IL17RB: variants seen among roughly 807,000 people sequenced by gnomAD.
The protein encoded by IL17RB is interleukin-17 receptor B.
A neutral mutation model predicts 43.9 loss-of-function variants in IL17RB; 36 were observed. That is an observed-to-expected ratio of 0.82 (90% CI 0.63 to 1.08). IL17RB has a LOEUF of 1.08. Among genes scored for constraint, IL17RB ranks in the 50% least tolerant of loss-of-function variants. The pLI, the probability that IL17RB is intolerant of heterozygous loss-of-function variation, is 0.00. For missense variants in IL17RB, 613 were observed against 613.6 expected (o/e 1.00, Z 0.01); for synonymous variants, 225 against 225.4 (o/e 1.00, Z 0.02).
intron 2 of IL17RB, 60 bp downstream of exon 2, chr3:53,848,748 A>G: frequency 1.3e-6 from 2 of 1,569,156 alleles, no homozygotes; most frequent in East Asian, 2.2e-5. Flanking sequence ...TTGGACTTTT[A>G]GGAAGCCTAA....
In IL17RB at chr3:53,864,581, T is replaced by C. The variant is rs578097037; in HGVS notation, c.947-165T>C. Among the ~76,000 whole-genome samples, 3 of 152,242 alleles carry C rather than the reference T, an allele frequency of 2.0e-5. No homozygotes were observed. The South Asian group carries it at 6.2e-4, about 32-fold the overall frequency. ...TTAAGCATCAGTGTGTTTCAGGTGA[T>C]GTGTTCAAAAGGAACATCAGGATGT... On this transcript the variant is annotated intron_variant, in intron 10 of 10. Transcript: ENST00000288167.
In IL17RB at chr3:53,846,757, G is replaced by A. The variant is rs2232331; in HGVS notation, c.60+109G>A. On this transcript the variant is annotated intron_variant, in intron 1 of 10. Coordinates refer to ENST00000288167, the MANE Select transcript of IL17RB (RefSeq NM_018725.4). Reference sequence around the variant, plus strand: ...GCCCCGAAGGCGTGCGCGGACTGCCGGCTCAAGGGGCATGCCTGCACCCTC... The same window carrying A: ...GCCCCGAAGGCGTGCGCGGACTGCCAGCTCAAGGGGCATGCCTGCACCCTC... The A allele has an allele frequency of 1.5e-3, 1,718 of 1,172,986 alleles. 30 individuals are homozygous for A. In the African/African-American group the frequency reaches 0.024, roughly 16 times the overall value. The allele number at this position is 1,172,986 out of a possible 1,614,324, so 72.7% of individuals were successfully genotyped here.
intron 3 of IL17RB, 27 bp from the exon 4 acceptor site, chr3:53,851,971 AC>A: frequency 6.2e-7 from 1 of 1,613,616 alleles, no homozygotes; most frequent in South Asian, 1.1e-5. Context: ...TGCTAAATAA[AC>A]CAATGTCCTC....
In IL17RB at chr3:53,852,230, C is replaced by A. The variant is rs1032026161; in HGVS notation, c.354+104C>A. 31 of 1,044,466 alleles carry A rather than the reference C, an allele frequency of 3.0e-5. 1 individual carries two copies. The Admixed American group carries it at 4.5e-4, about 15-fold the overall frequency. The allele number at this position is 1,044,466 out of a possible 1,614,324, so 64.7% of individuals were successfully genotyped here. A position where few individuals can be genotyped will look rare whatever the true frequency, so the allele number is the denominator to read the frequency against. ...GATCATGGCTCACTGCGACCTCAAT[C>A]TTCTGGGCTCAAGCGATCGTTCTAC... On this transcript the variant is annotated intron_variant, in intron 4 of 10. Coordinates refer to ENST00000288167, the MANE Select transcript of IL17RB (RefSeq NM_018725.4).
At chr3:53,856,610 A>G (rs1028805107) in intron 6 of IL17RB, among the ~76,000 whole-genome samples, 4 of 152,230 alleles carry the variant, frequency 2.6e-5, no homozygotes, top group Non-Finnish European at 5.9e-5. Flanking sequence ...CACCATACTC[A>G]GCCCAGGGAA....
chr3:53,865,038 C>G lies in IL17RB; in HGVS notation c.1239C>G (p.Gly413=). The part of the protein sequence containing the change: ...VCDGTCGKSE[G]SPSENSQDLF... ...ATGGTACCTGTGGCAAGAGCGAGGG[C>G]AGTCCCAGTGAGAACTCTCAAGACC... Residue 413 remains glycine, a synonymous_variant, in exon 11 of 11, where the codon GGC becomes GGG. Coordinates refer to ENST00000288167, the MANE Select transcript of IL17RB (RefSeq NM_018725.4). The G allele has an allele frequency of 6.2e-7, 1 of 1,614,210 alleles. No individual in the cohort carries two copies. The highest frequency in any genetic ancestry group is 1.3e-5 in the African/African-American group (1 of 75,056).
chr3:53,860,066 T>C, intron 9 of IL17RB, 64 bp from the exon 10 acceptor site: 1 of 1,121,570 alleles, frequency 8.9e-7, no homozygotes. Flanking sequence ...CAAGTCTTAG[T>C]TTTTAAATTA....
At position 53,852,108 on chromosome 3, in the gene IL17RB, C is replaced by T. The variant is rs762085126; in HGVS notation, c.336C>T (p.Thr112=). Residue 112 remains threonine, a synonymous_variant, in exon 4 of 11, where the codon ACC becomes ACT. Transcript: ENST00000288167. ...ACACAGAGGCCTTCCAGACTCAGACCAGACCCTCTGGTGGTAAAGTAAGCA... is the reference window on the plus strand; with the variant it reads ...ACACAGAGGCCTTCCAGACTCAGACTAGACCCTCTGGTGGTAAAGTAAGCA... ...CNYTEAFQTQ[T]RPSGGKWTFS... 4.2e-5 allele frequency: 67 copies of T among 1,613,968 alleles called. No homozygotes were observed. In the East Asian group the frequency reaches 1.3e-3, roughly 32 times the overall value.
intron 5 of IL17RB, 47 bp downstream of exon 5, chr3:53,853,044 TG>T: frequency 6.2e-7 from 1 of 1,610,548 alleles, no homozygotes; most frequent in East Asian, 2.2e-5. Flanking sequence ...CTGGGATGCC[TG>T]CTTTGCGATA....
At chr3:53,850,211 T>C (rs549781605) in intron 3 of IL17RB, among the ~76,000 whole-genome samples, 24 of 152,350 alleles carry the variant, frequency 1.6e-4, no homozygotes, top group Non-Finnish European at 3.5e-4. Flanking sequence ...GAAGTCAGGA[T>C]AGTAGCCAGG....
At chr3:53,862,645 T>A (rs182373980) in intron 10 of IL17RB, among the ~76,000 whole-genome samples, 3 of 152,304 alleles carry the variant, frequency 2.0e-5, no homozygotes, top group African/African-American at 7.2e-5. Context: ...AGACGAGTGC[T>A]TCCCCATCAG....
In IL17RB at chr3:53,865,257, G is replaced by C; in HGVS notation, c.1458G>C (p.Val486=). ...CAELLHVKQQ[V]SAGKRSQACH... is the part of the protein sequence containing the mutation. ...AACTTCTCCATGTCAAGCAGCAGGT[G>C]TCAGCAGGAAAAAGATCACAAGCCT... is the stretch of plus-strand genomic sequence containing the variant. Residue 486 remains valine (V), a synonymous_variant, in exon 11 of 11, where the codon GTG becomes GTC. Transcript: ENST00000288167. 1.2e-6 allele frequency: 2 copies of C among 1,611,758 alleles called. No individual in the cohort carries two copies. Among genetic ancestry groups the C allele is most frequent in the Non-Finnish European group, 1.7e-6 (2 of 1,180,010 alleles).
In IL17RB at chr3:53,855,303, A is replaced by G. The variant is rs746036787; in HGVS notation, c.491A>G (p.Asp164Gly). 28 of 1,607,840 alleles carry G rather than the reference A, an allele frequency of 1.7e-5. No individual in the cohort carries two copies. Among genetic ancestry groups the G allele is most frequent in the Non-Finnish European group, 1.2e-5 (14 of 1,175,440 alleles). Residue 164 changes from aspartate to glycine, a missense_variant, in exon 6 of 11, where the codon GAC becomes GGC. Coordinates refer to ENST00000288167, the MANE Select transcript of IL17RB (RefSeq NM_018725.4). ...TCATTCAAATTTCCAGGCTGCCTAG[A>G]CCACATAATGAAATATAAAAAAAAG... ...SVNFTSPGCL[D>G]HIMKYKKKCV...
intron 8 of IL17RB, chr3:53,858,064 G>A: frequency 4.3e-6 from 1 of 232,520 alleles, no homozygotes; most frequent in Non-Finnish European, 8.7e-6. Flanking sequence ...GAACTCTGGA[G>A]AGGGGCTGCC....
At chr3:53,853,918 C>T (rs552095224) in intron 5 of IL17RB, among the ~76,000 whole-genome samples, 21 of 151,712 alleles carry the variant, frequency 1.4e-4, no homozygotes, top group Middle Eastern at 6.8e-3. Flanking sequence ...ATTTTTTAGA[C>T]GGGGTTTTGC....
At chr3:53,849,542 G>T in intron 2 of IL17RB, 113 bp from the exon 3 acceptor site, 3 of 742,286 alleles carry the variant, frequency 4.0e-6, no homozygotes, top group Non-Finnish European at 3.9e-6. Context: ...AAAAAAAAAA[G>T]AAGTGAGGAA....
At position 53,860,133 on chromosome 3, in the gene IL17RB, A is replaced by G. The variant is rs767212553; in HGVS notation, c.851A>G (p.Lys284Arg). Residue 284 changes from lysine to arginine, a missense_variant, in exon 10 of 11, where the codon AAA (lysine) becomes AGA (arginine). Physicochemically the swap from Lys to Arg is conservative, Grantham distance 26. Transcript: ENST00000288167. ...TGVPFPLDNN[K>R]SKPGGWLPLL... ...GAATAAGCTTTGTTTTTTCCAGACA[A>G]AAGCAAGCCGGGAGGCTGGCTGCCT... 18 of 1,612,866 alleles carry G rather than the reference A, an allele frequency of 1.1e-5. No individual in the cohort carries two copies. Among genetic ancestry groups the G allele is most frequent in the Non-Finnish European group, 1.5e-5 (18 of 1,179,560 alleles).
chr3:53,855,419 A>T, intron 6 of IL17RB, 78 bp downstream of exon 6: 1 of 1,019,250 alleles, frequency 9.8e-7, no homozygotes, highest in Non-Finnish European at 1.5e-6. Flanking sequence ...TCATCTTTGC[A>T]CAGAAGAACT....
In IL17RB at chr3:53,849,547, G is replaced by A. The variant is rs561324577; in HGVS notation, c.86-108G>A. ...TTTTTTAATTAAAAAAAAAAGAAGT[G>A]AGGAATTGTGAATGGGGGAAGGTTT... On this transcript the variant is annotated intron_variant, in intron 2 of 10. Coordinates refer to ENST00000288167, the MANE Select transcript of IL17RB (RefSeq NM_018725.4). 21 of 968,360 alleles carry A rather than the reference G, an allele frequency of 2.2e-5. No individual in the cohort carries two copies. The East Asian group carries it at 5.1e-4, about 23-fold the overall frequency. The allele number at this position is 968,360 out of a possible 1,614,324, so 60.0% of individuals were successfully genotyped here.
Sources: allele counts gnomAD v4.1 joint callset (sites outside exome capture counted in the v4.1 genomes callset), GRCh38; gene constraint gnomAD v4.1.1; transcripts MANE v1.5; gene names NCBI Gene and HGNC (gene_info 2026-07-23, HGNC 2026-07-21).